Variants in LARGE1 observed in about 807,000 individuals in gnomAD.
The protein encoded by LARGE1 is xylosyl- and glucuronyltransferase LARGE1.
A neutral mutation model predicts 87.6 loss-of-function variants in LARGE1; 43 were observed. That is an observed-to-expected ratio of 0.49 (90% CI 0.38 to 0.63). The LOEUF is 0.63. Among genes scored for constraint, LARGE1 ranks in the 30% least tolerant of loss-of-function variants. The probability of loss-of-function intolerance (pLI) is 0.00; values close to 1 mark genes in which losing one functional copy is unlikely to be tolerated. For missense variants in LARGE1, 802 were observed against 1,000.2 expected (o/e 0.80, Z 2.67); for synonymous variants, 434 against 394.6 (o/e 1.10, Z -1.18).
intron 11 of LARGE1, among the ~76,000 whole-genome samples, chr22:33,234,110 T>C (rs1926138774): frequency 6.6e-6 from 1 of 152,240 alleles, no homozygotes; most frequent in South Asian, 2.1e-4. Flanking sequence ...ATGTTACATA[T>C]CCAGCATGTG....
intron 2 of LARGE1, among the ~76,000 whole-genome samples, chr22:33,658,227 G>C (rs1055432689): frequency 6.6e-6 from 1 of 152,192 alleles, no homozygotes; most frequent in Non-Finnish European, 1.5e-5. Flanking sequence ...TCCCAACCTA[G>C]ATGAATTCAT....
chr22:33,688,744 T>C (rs2082013465), intron 2 of LARGE1, among the ~76,000 whole-genome samples: 2 of 152,142 alleles, frequency 1.3e-5, no homozygotes, highest in African/African-American at 2.4e-5. Flanking sequence ...TTGGTCTCCT[T>C]TGCAAGTGGA....
intron 12 of LARGE1, among the ~76,000 whole-genome samples, chr22:33,300,113 G>T (rs998874803): frequency 7.2e-5 from 11 of 152,202 alleles, no homozygotes; most frequent in African/African-American, 2.7e-4. Context: ...CTGCCAGTCG[G>T]CCTGCTCTGG....
chr22:33,245,932 C>T (rs1031031358), intron 11 of LARGE1, among the ~76,000 whole-genome samples: 2 of 151,984 alleles, frequency 1.3e-5, no homozygotes, highest in African/African-American at 4.8e-5. Context: ...AACAAACAAA[C>T]AGAATTCATC....
In LARGE1 at chr22:33,491,925, C is replaced by T. The variant is rs1449404921; in HGVS notation, c.788-59660G>A. Among the ~76,000 whole-genome samples the T allele has an allele frequency of 4.6e-5, 7 of 152,110 alleles. No homozygotes were observed. In the East Asian group the frequency reaches 1.3e-3, roughly 29 times the overall value. ...AGGCAGCTGAAATGCAAAATTTTTG[C>T]TGAGATGAAAGGCCGACCCCTTGAT... On this transcript the variant is annotated intron_variant, in intron 6 of 14. Coordinates refer to ENST00000397394, the MANE Select transcript of LARGE1 (RefSeq NM_133642.5).
intron 6 of LARGE1, among the ~76,000 whole-genome samples, chr22:33,483,667 T>C (rs2069434530): frequency 6.6e-6 from 1 of 152,214 alleles, no homozygotes; most frequent in Non-Finnish European, 1.5e-5. Context: ...TGATCGCTGA[T>C]GCTCTTAATT....
chr22:33,311,000 G>C (rs920575445), intron 11 of LARGE1, among the ~76,000 whole-genome samples: 1 of 149,186 alleles, frequency 6.7e-6, no homozygotes, highest in Non-Finnish European at 1.5e-5. Context: ...TCGCTTTGTT[G>C]CCCAGGCTGG....
chr22:33,735,161 T>A (rs966278964), intron 2 of LARGE1, among the ~76,000 whole-genome samples: 1 of 152,226 alleles, frequency 6.6e-6, no homozygotes. Context: ...TGAAAGAAGC[T>A]TTGGCCCTTC....
At chr22:33,337,038 G>A (rs1257268618) in intron 10 of LARGE1, among the ~76,000 whole-genome samples, 1 of 149,556 alleles carries the variant, frequency 6.7e-6, no homozygotes, top group Non-Finnish European at 1.5e-5. Flanking sequence ...TCCAGCCTGG[G>A]TGACAGAGTG....
intron 11 of LARGE1, among the ~76,000 whole-genome samples, chr22:33,315,774 C>T (rs1198101202): frequency 8.5e-5 from 13 of 152,088 alleles, no homozygotes; most frequent in South Asian, 6.2e-4. Flanking sequence ...GGATTACAGG[C>T]GCACACCACC....
chr22:33,603,733 A>G (rs536821793), intron 5 of LARGE1, among the ~76,000 whole-genome samples: 2 of 152,348 alleles, frequency 1.3e-5, no homozygotes, highest in Admixed American at 1.3e-4. Flanking sequence ...AATGCCAGTG[A>G]CAAGACTGGA....
chr22:33,400,841 A>G (rs1375854036), intron 7 of LARGE1, among the ~76,000 whole-genome samples: 1 of 152,240 alleles, frequency 6.6e-6, no homozygotes, highest in African/African-American at 2.4e-5. Context: ...CAGAGGTCAC[A>G]GGTGTCTTCT....
chr22:33,333,013 CT>C (rs113084979), intron 10 of LARGE1, among the ~76,000 whole-genome samples: 232 of 139,988 alleles, frequency 1.7e-3, no homozygotes, highest in Admixed American at 1.5e-3. Flanking sequence ...GGGCAATGTC[CT>C]TTTTTTTTTT....
intron 5 of LARGE1, among the ~76,000 whole-genome samples, chr22:33,568,766 CA>C (rs57651807): frequency 0.24 from 22,471 of 92,658 alleles, 3,631 homozygotes; most frequent in African/African-American, 0.52. Context: ...AACTCAGTCT[CA>C]AAAAAAAAAA....
At chr22:33,278,136 C>G (rs1929699067) in intron 13 of LARGE1, among the ~76,000 whole-genome samples, 1 of 152,174 alleles carries the variant, frequency 6.6e-6, no homozygotes, top group African/African-American at 2.4e-5. Context: ...AGACCTGGGT[C>G]TGGAAGAAAG....
chr22:33,297,630 AG>A (rs1933494793), intron 12 of LARGE1, among the ~76,000 whole-genome samples: 2 of 148,212 alleles, frequency 1.3e-5, no homozygotes, highest in African/African-American at 5.0e-5. Context: ...AAAAAAAAGA[AG>A]GGTTTGTCCC....
intron 7 of LARGE1, among the ~76,000 whole-genome samples, chr22:33,397,206 C>T (rs1009271744): frequency 3.9e-4 from 59 of 152,256 alleles, no homozygotes; most frequent in African/African-American, 1.4e-3. Flanking sequence ...ACCTCTGCCT[C>T]CTGGGTCCAA....
intron 1 of LARGE1, among the ~76,000 whole-genome samples, chr22:33,918,870 C>G (rs76743113): frequency 0.013 from 1,958 of 152,130 alleles, 38 homozygotes; most frequent in African/African-American, 0.045. Flanking sequence ...CCTGCCACCC[C>G]CTCCGTTTCT....
At chr22:33,690,245 G>A (rs867222126) in intron 2 of LARGE1, among the ~76,000 whole-genome samples, 5 of 152,208 alleles carry the variant, frequency 3.3e-5, no homozygotes, top group African/African-American at 9.7e-5. Flanking sequence ...GCAAAATGAA[G>A]TAACAGCTAC....
Sources: gnomAD v4.1 joint callset for allele counts (sites outside exome capture counted in the v4.1 genomes callset) on GRCh38, gnomAD v4.1.1 for gene constraint, MANE v1.5 for transcripts, NCBI Gene and HGNC (gene_info 2026-07-23, HGNC 2026-07-21) for gene names.